The following C5orf34 variants were observed in gnomAD, a reference collection of about 807,000 sequenced individuals.
C5orf34 encodes the protein uncharacterized protein C5orf34.
C5orf34 carries 73 observed loss-of-function variants against 78.4 expected under a neutral mutation model. The observed-to-expected ratio is 0.93, with a 90% CI of 0.77 to 1.13. The LOEUF (loss-of-function observed/expected upper bound fraction) is 1.13, where lower values mean the gene tolerates loss of function less well. C5orf34 is among the 50% of genes most tolerant of loss of function. The pLI is 0.00. For synonymous variants in C5orf34, 251 were observed against 246.6 expected (o/e 1.02, Z -0.17); for missense variants, 730 against 732.7 (o/e 1.00, Z 0.04).
intron 8 of C5orf34, among the ~76,000 whole-genome samples, 181 bp from the exon 9 acceptor site, chr5:43,493,071 A>C (rs1484361761): frequency 6.7e-6 from 1 of 150,066 alleles, no homozygotes; most frequent in Non-Finnish European, 1.5e-5. Flanking sequence ...AAGCAGATTC[A>C]GTTATAATAT....
chr5:43,504,100 C>G (rs1328289652), intron 4 of C5orf34, among the ~76,000 whole-genome samples: 2 of 151,982 alleles, frequency 1.3e-5, no homozygotes, highest in African/African-American at 2.4e-5. Flanking sequence ...ATCACGAGGT[C>G]AGGAGTTTGA....
chr5:43,506,419 GGTGA>G, intron 3 of C5orf34, 25 bp from the exon 4 acceptor site: 1 of 1,556,312 alleles, frequency 6.4e-7, no homozygotes, highest in East Asian at 2.3e-5. Context: ...GAAAAGAGAC[GGTGA>G]GTATTTTCTG....
chr5:43,509,836 A>G (rs540127147), intron 1 of C5orf34, among the ~76,000 whole-genome samples: 1 of 150,676 alleles, frequency 6.6e-6, no homozygotes, highest in Admixed American at 6.6e-5. Context: ...GCTCACTGTA[A>G]CCTCTGCCTC....
chr5:43,495,669 C>T lies in C5orf34; in HGVS notation c.1153-1068G>A, dbSNP rs935276819. The T allele has an allele frequency of 6.3e-6, 10 of 1,582,254 alleles. No homozygotes were observed. The African/African-American group carries it at 9.4e-5, about 15-fold the overall frequency. On this transcript the variant is annotated intron_variant, in intron 6 of 12. Transcript: ENST00000306862. ...AGAACACCAGTCTCCACTCGGCCAA[C>T]AGGAACAGTACCAATACCACCAATT...
At chr5:43,495,357 T>C in intron 6 of C5orf34, 1 of 1,611,810 alleles carries the variant, frequency 6.2e-7, no homozygotes, top group Admixed American at 1.7e-5. Context: ...TTGCATGCAA[T>C]GTGAGCCGCG....
chr5:43,497,161 TTC>T (rs1745567835), intron 6 of C5orf34, among the ~76,000 whole-genome samples: 1 of 59,156 alleles, frequency 1.7e-5, no homozygotes, highest in Admixed American at 2.8e-4. Context: ...TTAAAATTCT[TTC>T]TGAGTTTCCT....
At chr5:43,502,013 C>T (rs774859407) in intron 6 of C5orf34, among the ~76,000 whole-genome samples, 1 of 152,094 alleles carries the variant, frequency 6.6e-6, no homozygotes, top group Non-Finnish European at 1.5e-5. Context: ...TACACAATTA[C>T]ATGGTGGGGA....
Position 43,508,618 on chromosome 5 carries a change from G to C in C5orf34, c.244C>G (p.Pro82Ala), listed in dbSNP as rs1383294001. Reference protein sequence around the residue: ...LDFRNSSATCPFLSETIIPSE... With the variant: ...LDFRNSSATCAFLSETIIPSE... ...GGTATGATGGTTTCAGATAAAAAAG[G>C]GCAAGTAGCTGAAGAGTTTCGAAAA... The change falls in exon 3 of 13, where the codon CCT becomes GCT. Residue 82 changes from proline (P) to alanine (A), a missense_variant. Physicochemically the swap from Pro to Ala is conservative, Grantham distance 27 (BLOSUM62 -1). Transcript: ENST00000306862. 6.2e-7 allele frequency: 1 copy of C among 1,612,000 alleles called. No individual in the cohort carries two copies.
Position 43,493,535 on chromosome 5 carries a change from T to A in C5orf34, c.1314+8A>T. 1 of 1,472,778 alleles carries A rather than the reference T, an allele frequency of 6.8e-7. No homozygotes were observed. The highest frequency in any genetic ancestry group is 1.2e-5 in the South Asian group (1 of 83,900). 91.2% of individuals were successfully genotyped at this position (1,472,778 alleles called of 1,614,324 possible). A position where few individuals can be genotyped will look rare whatever the true frequency, so the allele number is the denominator to read the frequency against. On this transcript the variant is annotated splice_region_variant and intron_variant, in intron 8 of 12. Coordinates refer to ENST00000306862, the MANE Select transcript of C5orf34 (RefSeq NM_198566.4). The stretch of plus-strand genomic sequence containing the variant: ...AAATATCTTGCTTTTAAAATAATTT[T>A]AACATACCATTTTCCAGCAGCATAT...
chr5:43,497,613 G>A (rs1483433170), intron 6 of C5orf34, among the ~76,000 whole-genome samples: 2 of 152,150 alleles, frequency 1.3e-5, no homozygotes, highest in African/African-American at 2.4e-5. Context: ...AAGCCTCAGT[G>A]CCTGCAGCCT....
chr5:43,489,108 T>C (rs1745172033), intron 11 of C5orf34, among the ~76,000 whole-genome samples: 1 of 152,138 alleles, frequency 6.6e-6, no homozygotes, highest in African/African-American at 2.4e-5. Flanking sequence ...ATCTTTTTTT[T>C]TTTAAACCCA....
In C5orf34 at chr5:43,505,762, G is replaced by T; in HGVS notation, c.918C>A (p.Val306=). ...LPRALSLSCP[V]PHLHRWNFCD... is the part of the protein sequence containing the mutation. ...TACTGCATTACCTGTGTAGGTGTGG[G>T]ACTGGACAGCTGAGTGACAGGGCCC... is the stretch of plus-strand genomic sequence containing the variant. Residue 306 remains valine (V), a synonymous_variant, in exon 4 of 13, where the codon GTC becomes GTA. Transcript: ENST00000306862. The T allele has an allele frequency of 6.3e-7, 1 of 1,582,828 alleles. No individual in the cohort carries two copies. Among genetic ancestry groups the T allele is most frequent in the Non-Finnish European group, 8.6e-7 (1 of 1,163,836 alleles).
chr5:43,495,380 A>G (rs1745460137), intron 6 of C5orf34: 1 of 1,611,702 alleles, frequency 6.2e-7, no homozygotes. Context: ...GCAATCCAAT[A>G]TAGGGGCATA....
At chr5:43,506,796 T>G (rs993898405) in intron 3 of C5orf34, among the ~76,000 whole-genome samples, 17 of 151,806 alleles carry the variant, frequency 1.1e-4, no homozygotes, top group African/African-American at 3.1e-4. Context: ...CAATCATAGC[T>G]AAAAATTTTT....
intron 4 of C5orf34, 116 bp downstream of exon 4, chr5:43,505,632 A>G: frequency 8.7e-7 from 1 of 1,152,890 alleles, no homozygotes; most frequent in Non-Finnish European, 1.2e-6. Context: ...AGTTAAAAGC[A>G]AAATTTTGGA....
chr5:43,498,944 A>G (rs780103603), intron 6 of C5orf34, among the ~76,000 whole-genome samples: 3 of 151,816 alleles, frequency 2.0e-5, no homozygotes, highest in Non-Finnish European at 4.4e-5. Flanking sequence ...TTCCTTCAAC[A>G]CTCCACACTC....
rs1024326512 is a variant in C5orf34 at position 43,492,769 on chromosome 5, A to G, written c.1436T>C (p.Ile479Thr). ...GAAATTCCAATTTAGGGTTAGAGTAATGCCATCTAAAAAGATAGCATGTAC... is the reference window on the plus strand; with the variant it reads ...GAAATTCCAATTTAGGGTTAGAGTAGTGCCATCTAAAAAGATAGCATGTAC... ...DKVHAIFLDG[I>T]TLTLNWNFSS... is the part of the protein sequence containing the mutation. The change falls in exon 9 of 13, where the codon ATT (isoleucine) becomes ACT (threonine). Residue 479 changes from isoleucine (I) to threonine (T), a missense_variant. Physicochemically the swap from Ile to Thr is moderately conservative, Grantham distance 89. Coordinates refer to ENST00000306862, the MANE Select transcript of C5orf34 (RefSeq NM_198566.4). 1 of 1,613,196 alleles carries G rather than the reference A, an allele frequency of 6.2e-7. No individual in the cohort carries two copies. The highest frequency in any genetic ancestry group is 1.3e-5 in the African/African-American group (1 of 74,912).
Position 43,514,586 on chromosome 5 carries a change from C to A in C5orf34, c.-37+220G>T, listed in dbSNP as rs137968377. Among the ~76,000 whole-genome samples the A allele has an allele frequency of 1.4e-4, 22 of 152,234 alleles. No individual in the cohort carries two copies. In the East Asian group the frequency reaches 3.3e-3, roughly 23 times the overall value. On this transcript the variant is annotated intron_variant, in intron 1 of 12. Coordinates refer to ENST00000306862, the MANE Select transcript of C5orf34 (RefSeq NM_198566.4). ...AAGGTTCTTGGCATACCATAGGAAA[C>A]CATAACCCGGCTCCAACCCACACTG...
intron 1 of C5orf34, chr5:43,511,425 G>A (rs1429195056): frequency 4.5e-5 from 7 of 155,418 alleles, no homozygotes; most frequent in East Asian, 3.9e-4. Flanking sequence ...GGGCGCCTCC[G>A]CCCGGCCGCC....
Sources: gnomAD v4.1 joint callset for allele counts (sites outside exome capture counted in the v4.1 genomes callset) on GRCh38, gnomAD v4.1.1 for gene constraint, MANE v1.5 for transcripts, NCBI Gene and HGNC (gene_info 2026-07-23, HGNC 2026-07-21) for gene names.